The following CBY1 variants were observed in gnomAD, a reference collection of about 807,000 sequenced individuals.
CBY1 encodes chibby 1, beta catenin antagonist, also known as protein chibby homolog 1.
Under a neutral mutation model 15.6 loss-of-function variants are expected in CBY1, and 10 were observed. The ratio of observed to expected loss-of-function variants is 0.64; its 90% CI spans 0.40 to 1.09. CBY1 has a LOEUF of 1.09. CBY1 is among the 50% of genes least tolerant of loss of function. CBY1 has a pLI of 0.01. For synonymous variants in CBY1, 61 were observed against 63.5 expected (o/e 0.96, Z 0.19); for missense variants, 150 against 160.5 (o/e 0.93, Z 0.35).
chr22:38,671,012 T>A, intron 3 of CBY1, 23 bp downstream of exon 3: 1 of 1,612,978 alleles, frequency 6.2e-7, no homozygotes, highest in Non-Finnish European at 8.5e-7. Flanking sequence ...TCCTGCCATT[T>A]TGTCAAACAA....
Position 38,668,151 on chromosome 22 carries a change from G to A in CBY1, c.78+19G>A. 6.8e-7 allele frequency: 1 copy of A among 1,473,422 alleles called. No homozygotes were observed. The highest frequency in any genetic ancestry group is 9.5e-7 in the Non-Finnish European group (1 of 1,051,694). The allele number at this position is 1,473,422 out of a possible 1,614,324, so 91.3% of individuals were successfully genotyped here. A position where few individuals can be genotyped will look rare whatever the true frequency, so the allele number is the denominator to read the frequency against. ...GCATTCTGTGAGTGTCGGTACTGGG[G>A]TCGGCCGGGTGTGCAGCATGAGTTG... On this transcript the variant is annotated intron_variant, in intron 2 of 4. Coordinates refer to ENST00000216029, the MANE Select transcript of CBY1 (RefSeq NM_015373.4).
At chr22:38,667,853 A>G (rs2092441423) in intron 1 of CBY1, 164 bp from the exon 2 acceptor site, 11 of 595,300 alleles carry the variant, frequency 1.8e-5, no homozygotes, top group South Asian at 1.8e-4. Flanking sequence ...ATACTGTTAA[A>G]CAATGGCAAT....
At chr22:38,659,363 C>T (rs866024998) in intron 1 of CBY1, among the ~76,000 whole-genome samples, 56 of 152,194 alleles carry the variant, frequency 3.7e-4, no homozygotes, top group African/African-American at 1.3e-3. Flanking sequence ...GGGTTCAAGC[C>T]TCAGCCTTCT....
At position 38,660,173 on chromosome 22, in the gene CBY1, T is replaced by C. The variant is rs540145119; in HGVS notation, c.-39+3423T>C. Among the ~76,000 whole-genome samples, 3 of 152,126 alleles carry C rather than the reference T, an allele frequency of 2.0e-5. No homozygotes were observed. The East Asian group carries it at 5.8e-4, about 29-fold the overall frequency. On this transcript the variant is annotated intron_variant, in intron 1 of 4. Transcript: ENST00000216029. Reference sequence around the variant, plus strand: ...TATTCATCTTTTTAATTTTTGCCAATATGATGAGTGAAAATGCATTTTTTT... The same window carrying C: ...TATTCATCTTTTTAATTTTTGCCAACATGATGAGTGAAAATGCATTTTTTT...
intron 4 of CBY1, 118 bp downstream of exon 4, chr22:38,671,306 C>G: frequency 2.6e-6 from 2 of 772,460 alleles, no homozygotes; most frequent in Non-Finnish European, 4.5e-6. Context: ...CGTTGCTTTG[C>G]ATCCAAAGCC....
rs138322885 is a variant in CBY1 at position 38,667,932 on chromosome 22, T to C, written c.-38-85T>C. ...ACCAGGATCGTTAGTAGCCACATGA[T>C]AAAATGTATGTCTTCAAGATTTGAA... On this transcript the variant is annotated intron_variant, in intron 1 of 4. Coordinates refer to ENST00000216029, the MANE Select transcript of CBY1 (RefSeq NM_015373.4). The C allele has an allele frequency of 5.9e-4, 414 of 697,728 alleles. 7 individuals are homozygous for C. In the East Asian group the frequency reaches 0.011, roughly 18 times the overall value. 43.2% of individuals were successfully genotyped at this position (697,728 alleles called of 1,614,324 possible).
At chr22:38,669,567 C>G (rs2092446569) in intron 2 of CBY1, 1 of 152,110 alleles carries the variant, frequency 6.6e-6, no homozygotes, top group African/African-American at 2.4e-5. Flanking sequence ...TGATATGTGC[C>G]AGACAGCAAA....
intron 2 of CBY1, chr22:38,668,840 C>T (rs1457134303): frequency 1.3e-5 from 2 of 152,338 alleles, no homozygotes; most frequent in African/African-American, 4.8e-5. Flanking sequence ...CTCCTGTTCC[C>T]AGTGAAAATC....
At chr22:38,664,805 G>A (rs1224745788) in intron 1 of CBY1, among the ~76,000 whole-genome samples, 1 of 152,090 alleles carries the variant, frequency 6.6e-6, no homozygotes, top group Non-Finnish European at 1.5e-5. Context: ...GTGTACATAT[G>A]CATGTAGATA....
chr22:38,669,403 T>G (rs1305735729), intron 2 of CBY1, among the ~76,000 whole-genome samples: 1 of 152,188 alleles, frequency 6.6e-6, no homozygotes, highest in Non-Finnish European at 1.5e-5. Context: ...AAAGAGCTAT[T>G]GATTGATACC....
intron 1 of CBY1, among the ~76,000 whole-genome samples, chr22:38,659,977 T>C (rs1343370931): frequency 6.6e-6 from 1 of 152,036 alleles, no homozygotes; most frequent in African/African-American, 2.4e-5. Flanking sequence ...GGTGTGAGCA[T>C]GTCCAAGTCT....
intron 2 of CBY1, chr22:38,670,000 G>A (rs1183183797): frequency 1.3e-5 from 2 of 152,342 alleles, no homozygotes; most frequent in East Asian, 3.9e-4. Flanking sequence ...GGAGGCTGAG[G>A]TGGGCGGATC....
chr22:38,657,199 A>T (rs1375507830), intron 1 of CBY1: 1 of 663,782 alleles, frequency 1.5e-6, no homozygotes. Context: ...CACAATGATT[A>T]GTGATTAGTA....
chr22:38,664,290 AGC>A (rs991850814), intron 1 of CBY1, among the ~76,000 whole-genome samples: 1 of 151,692 alleles, frequency 6.6e-6, no homozygotes, highest in African/African-American at 2.4e-5. Flanking sequence ...TGGCCAGCAT[AGC>A]GAAACCCTGT....
chr22:38,668,301 C>T (rs374716251), intron 2 of CBY1, 169 bp downstream of exon 2: 8 of 553,482 alleles, frequency 1.4e-5, no homozygotes, highest in South Asian at 7.1e-5. Context: ...TGGGAATGAT[C>T]GTCAGAGCTT....
chr22:38,658,473 T>TA (rs201108949), intron 1 of CBY1, among the ~76,000 whole-genome samples: 2,917 of 151,084 alleles, frequency 0.019, 45 homozygotes, highest in Non-Finnish European at 0.028. Context: ...TATTTTATTT[T>TA]TTTTTGAGAT....
intron 1 of CBY1, among the ~76,000 whole-genome samples, chr22:38,660,593 G>A (rs557419113): frequency 3.3e-5 from 5 of 150,958 alleles, no homozygotes; most frequent in Non-Finnish European, 5.9e-5. Flanking sequence ...GTATATACAC[G>A]TATACCATAT....
At chr22:38,657,131 T>C (rs1220371423) in intron 1 of CBY1, 1 of 982,734 alleles carries the variant, frequency 1.0e-6, no homozygotes, top group Non-Finnish European at 1.2e-6. Flanking sequence ...GCCCTTGTTT[T>C]CTTAGAATTA....
At position 38,673,215 on chromosome 22, in the gene CBY1, G is replaced by C. The variant is rs775134726; in HGVS notation, c.360G>C (p.Arg120Ser). Residue 120 changes from arginine (R) to serine (S), a missense_variant, in exon 5 of 5, where the codon AGG becomes AGC. Transcript: ENST00000216029. The part of the protein sequence containing the change: ...HLMEKELDEL[R>S]ISRKRK ...TGGAGAAGGAACTGGATGAACTGAG[G>C]ATCAGCCGGAAGAGAAAATGAAGAC... The C allele has an allele frequency of 1.9e-6, 3 of 1,612,242 alleles. No individual in the cohort carries two copies. Among genetic ancestry groups the C allele is most frequent in the Non-Finnish European group, 2.5e-6 (3 of 1,178,364 alleles).
Sources: allele counts gnomAD v4.1 joint callset (sites outside exome capture counted in the v4.1 genomes callset), GRCh38; gene constraint gnomAD v4.1.1; transcripts MANE v1.5; gene names NCBI Gene and HGNC (gene_info 2026-07-23, HGNC 2026-07-21).